NID2: variants seen among roughly 807,000 people sequenced by gnomAD.
NID2 encodes the protein nidogen-2.
Under a neutral mutation model 145.4 loss-of-function variants are expected in NID2, and 83 were observed. The ratio of observed to expected loss-of-function variants is 0.57; its 90% confidence interval spans 0.48 to 0.69. NID2 has a LOEUF of 0.69. Ranked by LOEUF, NID2 falls within the 30% of genes least tolerant of loss-of-function variation. The pLI is 0.00. For missense variants in NID2, 1,807 were observed against 1,765.7 expected, an observed-to-expected ratio of 1.02 and a Z score of -0.42; for synonymous variants, 739 against 701.3, an observed-to-expected ratio of 1.05 and a Z score of -0.85.
rs946740718 is a variant in NID2 at position 52,005,944 on chromosome 14, T to A, written c.4005-95A>T. ...AAAATCAGTTGCAATAGAGGAAAAT[T>A]TCTGGCAGCCTTCTCTGTCCCAGGG... On this transcript the variant is annotated intron_variant, in intron 20 of 21. Transcript: ENST00000216286. 7 of 885,054 alleles carry A rather than the reference T, an allele frequency of 7.9e-6. No individual in the cohort carries two copies. In the African/African-American group the frequency reaches 1.1e-4, roughly 14 times the overall value. 54.8% of individuals were successfully genotyped at this position (885,054 alleles called of 1,614,324 possible).
intron 14 of NID2, 82 bp downstream of exon 14, chr14:52,018,979 G>T: frequency 2.0e-6 from 2 of 1,010,820 alleles, no homozygotes; most frequent in Non-Finnish European, 3.0e-6. Flanking sequence ...GACTGGCCCC[G>T]TGCCTGCGTG....
chr14:52,005,803 C>T lies in NID2; in HGVS notation c.4051G>A (p.Glu1351Lys), dbSNP rs181966229. The T allele has an allele frequency of 6.2e-7, 1 of 1,613,780 alleles. No homozygotes were observed. Among genetic ancestry groups the T allele is most frequent in the African/African-American group, 1.3e-5 (1 of 74,918 alleles). The change falls in exon 21 of 22, where the codon GAG (glutamate) becomes AAG (lysine). Residue 1351 changes from glutamate (E) to lysine (K), a missense_variant. Physicochemically the swap from Glu to Lys is moderately conservative, Grantham distance 56. Transcript: ENST00000216286. ...VNKHSGQFTD[E>K]YLPEQRSHLY... is the part of the protein sequence containing the mutation. ...TGAGATCGTTGTTCTGGGAGATACTCATCAGTAAACTGGCCACTATGTTTA... is the reference window on the plus strand; with the variant it reads ...TGAGATCGTTGTTCTGGGAGATACTTATCAGTAAACTGGCCACTATGTTTA...
rs756510449 is a variant in NID2 at position 52,040,750 on chromosome 14, T to C, written c.1927A>G (p.Ser643Gly). The C allele has an allele frequency of 1.2e-6, 2 of 1,614,166 alleles. No individual in the cohort carries two copies. Among genetic ancestry groups the C allele is most frequent in the Non-Finnish European group, 1.7e-6 (2 of 1,180,014 alleles). Residue 643 changes from serine (S) to glycine (G), a missense_variant, in exon 8 of 22, where the codon AGC becomes GGC. Ser to Gly is a moderately conservative substitution (Grantham distance 56, BLOSUM62 0). Transcript: ENST00000216286. ...TGGCCTTGAATGTTGGTCTTAATGC[T>C]CAGGTAGTTCTCTGGGTCAAGTCCC... ...AEGLDPENYL[S>G]IKTNIQGQVP...
Position 52,026,805 on chromosome 14 carries a change from A to G in NID2, c.2674+396T>C, listed in dbSNP as rs1891601554. 2.0e-5 allele frequency among the ~76,000 whole-genome samples: 3 copies of G among 152,234 alleles called. No individual in the cohort carries two copies. In the South Asian group the frequency reaches 6.2e-4, roughly 31 times the overall value. On this transcript the variant is annotated intron_variant, in intron 12 of 21. Coordinates refer to ENST00000216286, the MANE Select transcript of NID2 (RefSeq NM_007361.4). ...AAAGAGGAGAAAAATTAGAAATTAC[A>G]TATGTGTTTAGAGATTGCTTAAAAT...
intron 12 of NID2, among the ~76,000 whole-genome samples, chr14:52,025,158 T>A (rs939035677): frequency 6.6e-5 from 10 of 152,232 alleles, no homozygotes; most frequent in African/African-American, 2.4e-4. Context: ...AAACAAACGA[T>A]GTGTTCCACA....
In NID2 at chr14:52,042,175, T is replaced by C; in HGVS notation, c.1755A>G (p.Pro585=). ...PAAQALLPLT[P]IGGLFGWLFA... ...AGAGCCAGCCAAACAGGCCTCCAAT[T>C]GGTGTGAGGGGGAGGAGGGCCTGGG... Residue 585 remains proline (P), a synonymous_variant, in exon 7 of 22, where the codon CCA becomes CCG. Coordinates refer to ENST00000216286, the MANE Select transcript of NID2 (RefSeq NM_007361.4). The C allele has an allele frequency of 6.2e-7, 1 of 1,613,678 alleles. No individual in the cohort carries two copies. Among genetic ancestry groups the C allele is most frequent in the East Asian group, 2.2e-5 (1 of 44,874 alleles).
intron 2 of NID2, among the ~76,000 whole-genome samples, chr14:52,067,275 G>A (rs1199976805): frequency 1.3e-5 from 2 of 152,140 alleles, no homozygotes; most frequent in Non-Finnish European, 2.9e-5. Flanking sequence ...TATAAATGAT[G>A]TAGAAATACA....
intron 9 of NID2, among the ~76,000 whole-genome samples, chr14:52,034,200 T>G (rs1256426759): frequency 6.6e-6 from 1 of 152,194 alleles, no homozygotes; most frequent in Non-Finnish European, 1.5e-5. Context: ...GTTTGCTTTC[T>G]CTGATCCTTT....
intron 9 of NID2, among the ~76,000 whole-genome samples, chr14:52,030,577 G>GAAC (rs1566755681): frequency 1.1e-5 from 1 of 92,920 alleles, no homozygotes; most frequent in Admixed American, 1.4e-4. Flanking sequence ...AGGAAGGAAG[G>GAAC]GAAAGAAAGA....
At chr14:52,035,878 A>ACATATATATTATATATATTTATATT (rs1555364238) in intron 9 of NID2, among the ~76,000 whole-genome samples, 12 of 135,204 alleles carry the variant, frequency 8.9e-5, no homozygotes, top group Non-Finnish European at 1.5e-4. Context: ...ATATATATAT[A>ACATATATATTATATATATTTATATT]TGTTTTATTT....
chr14:52,054,929 C>A (rs1173697887), intron 3 of NID2, among the ~76,000 whole-genome samples: 2 of 152,326 alleles, frequency 1.3e-5, no homozygotes, highest in Admixed American at 6.5e-5. Flanking sequence ...TATCTAAAAT[C>A]TGGCTATTTG....
At chr14:52,046,881 A>G (rs897229940) in intron 5 of NID2, among the ~76,000 whole-genome samples, 82 of 152,344 alleles carry the variant, frequency 5.4e-4, no homozygotes, top group African/African-American at 1.9e-3. Flanking sequence ...CATGAAGGAA[A>G]GAAGATGGAT....
Position 52,054,039 on chromosome 14 carries a change from C to T in NID2, c.1050G>A (p.Val350=), listed in dbSNP as rs2140422367. ...SSIDVSFQSK[V]DTKPLEESST... ...TCCTACCCTCTAAAGGCTTTGTATC[C>T]ACTTTGGATTGGAAGGAAACATCAA... Residue 350 remains valine, a synonymous_variant, in exon 4 of 22, where the codon GTG becomes GTA. Coordinates refer to ENST00000216286, the MANE Select transcript of NID2 (RefSeq NM_007361.4). 2 of 1,613,998 alleles carry T rather than the reference C, an allele frequency of 1.2e-6. No homozygotes were observed. The highest frequency in any genetic ancestry group is 2.2e-5 in the East Asian group (1 of 44,886).
chr14:52,041,380 T>C (rs1033378194), intron 7 of NID2, among the ~76,000 whole-genome samples: 1 of 152,192 alleles, frequency 6.6e-6, no homozygotes, highest in African/African-American at 2.4e-5. Context: ...AGCAAGAACC[T>C]ATTAACAGCT....
intron 2 of NID2, among the ~76,000 whole-genome samples, chr14:52,066,219 C>A (rs1207151616): frequency 6.6e-6 from 1 of 151,582 alleles, no homozygotes; most frequent in African/African-American, 2.4e-5. Flanking sequence ...AAAAACCTTG[C>A]ATTTAAAGAG....
rs374320149 is a variant in NID2 at position 52,042,007 on chromosome 14, AT to A, written c.1825+97del. On this transcript the variant is annotated intron_variant, in intron 7 of 21. Coordinates refer to ENST00000216286, the MANE Select transcript of NID2 (RefSeq NM_007361.4). ...GTGGCTCTAGTACATTAAACAAGTG[AT>A]TCCTCTGTCACTGCGTAAAGGCCTA... 413 of 1,427,240 alleles carry A rather than the reference AT, an allele frequency of 2.9e-4. 4 individuals are homozygous for A. The East Asian group carries it at 7.5e-3, about 26-fold the overall frequency. 88.4% of individuals were successfully genotyped at this position (1,427,240 alleles called of 1,614,324 possible).
intron 5 of NID2, among the ~76,000 whole-genome samples, chr14:52,043,160 T>G (rs549178249): frequency 6.6e-6 from 1 of 152,178 alleles, no homozygotes; most frequent in Non-Finnish European, 1.5e-5. Flanking sequence ...GTTGGTGAAC[T>G]AAGATGAGAC....
At chr14:52,010,780 C>T in intron 18 of NID2, 96 bp downstream of exon 18, 1 of 1,242,516 alleles carries the variant, frequency 8.0e-7, no homozygotes. Context: ...TGAGCTTTCA[C>T]TCTCTTGTTC....
In NID2 at chr14:52,030,598, GAA is replaced by G. The variant is rs371386128; in HGVS notation, c.2258-910_2258-909del. 6.4e-4 allele frequency among the ~76,000 whole-genome samples: 41 copies of G among 64,436 alleles called. No individual in the cohort carries two copies. The East Asian group carries it at 0.018, about 28-fold the overall frequency. The allele number at this position is 64,436 out of a possible 152,430, so 42.3% of individuals were successfully genotyped here. A position where few individuals can be genotyped will look rare whatever the true frequency, so the allele number is the denominator to read the frequency against. The stretch of plus-strand genomic sequence containing the variant: ...GAAGGGAAAGAAAGAAAGAAAGAAA[GAA>G]AGAAAGAGAAAGAAAAAGAAAGAAA... On this transcript the variant is annotated intron_variant, in intron 9 of 21. Transcript: ENST00000216286.
Sources: gnomAD v4.1 joint callset for allele counts (sites outside exome capture counted in the v4.1 genomes callset) on GRCh38, gnomAD v4.1.1 for gene constraint, MANE v1.5 for transcripts, NCBI Gene and HGNC (gene_info 2026-07-23, HGNC 2026-07-21) for gene names.